ABCG2: variants seen among roughly 807,000 people sequenced by gnomAD.
The protein encoded by ABCG2 is broad substrate specificity ATP-binding cassette transporter ABCG2.
ABCG2 carries 80 observed loss-of-function variants against 73.5 expected under a neutral mutation model. The ratio of observed to expected loss-of-function variants is 1.09; its 90% CI spans 0.91 to 1.31. ABCG2 has a LOEUF of 1.31. Among genes scored for constraint, ABCG2 ranks in the 50% most tolerant of loss-of-function variants. The probability of loss-of-function intolerance (pLI) is 0.00; values close to 1 mark genes in which losing one functional copy is unlikely to be tolerated. For missense variants in ABCG2, 796 were observed against 786.2 expected (o/e 1.01, Z -0.15); for synonymous variants, 269 against 282.4 (o/e 0.95, Z 0.48).
intron 1 of ABCG2, among the ~76,000 whole-genome samples, chr4:88,211,085 C>A (rs1729570322): frequency 6.7e-6 from 1 of 149,590 alleles, no homozygotes. Context: ...GAGGCTTGGT[C>A]CCTAAAAAAA....
At chr4:88,132,492 C>T in intron 3 of ABCG2, 84 bp downstream of exon 3, 4 of 1,414,016 alleles carry the variant, frequency 2.8e-6, no homozygotes, top group Admixed American at 3.4e-5. Context: ...TCAATAAATA[C>T]CTGCTCGCAC....
At chr4:88,122,674 T>C (rs72659644) in intron 5 of ABCG2, among the ~76,000 whole-genome samples, 3 of 152,086 alleles carry the variant, frequency 2.0e-5, no homozygotes, top group Admixed American at 1.3e-4. Context: ...CAGGGGTATA[T>C]AGATAAAACT....
At position 88,091,883 on chromosome 4, in the gene ABCG2, A is replaced by T. The variant is rs548878030; in HGVS notation, c.*351T>A. 1.7e-4 allele frequency: 33 copies of T among 194,746 alleles called. No individual in the cohort carries two copies. Among genetic ancestry groups the T allele is most frequent in the African/African-American group, 7.5e-4 (32 of 42,492 alleles). 12.1% of individuals were successfully genotyped at this position (194,746 alleles called of 1,614,324 possible). A position where few individuals can be genotyped will look rare whatever the true frequency, so the allele number is the denominator to read the frequency against. ...AAGTATTAAGACTGAAGGGCTACTA[A>T]CCTACCTATTCATTTTAAAGATGAG... On this transcript the variant is annotated 3_prime_UTR_variant, in exon 16 of 16. Transcript: ENST00000237612.
chr4:88,177,199 T>C (rs1054868708), intron 1 of ABCG2, among the ~76,000 whole-genome samples: 11 of 149,860 alleles, frequency 7.3e-5, no homozygotes, highest in Non-Finnish European at 1.2e-4. Context: ...GGTGAAACCC[T>C]GTCTCTACTA....
intron 1 of ABCG2, among the ~76,000 whole-genome samples, chr4:88,218,805 A>T (rs913793212): frequency 6.6e-6 from 1 of 152,230 alleles, no homozygotes; most frequent in African/African-American, 2.4e-5. Context: ...AGAGTAGACA[A>T]TATCTCTAGT....
chr4:88,219,576 ATTTTT>A (rs5860122), intron 1 of ABCG2, among the ~76,000 whole-genome samples: 10 of 90,872 alleles, frequency 1.1e-4, no homozygotes, highest in South Asian at 4.2e-4. Flanking sequence ...TACCATTCAA[ATTTTT>A]TTTTTTTTTT....
In ABCG2 at chr4:88,112,241, C is replaced by A. The variant is rs192361511; in HGVS notation, c.1194+1062G>T. 2.5e-3 allele frequency among the ~76,000 whole-genome samples: 387 copies of A among 152,272 alleles called. 9 individuals carry two copies. Among genetic ancestry groups the A allele is most frequent in the Admixed American group, 0.023 (348 of 15,300 alleles). On this transcript the variant is annotated intron_variant, in intron 9 of 15. Transcript: ENST00000237612. ...AATGAATAGCCTTGTTCTGTGAACT[C>A]AAATTTGCTTACTACATTTGTTTCA...
At position 88,157,663 on chromosome 4, in the gene ABCG2, TTCTCATCAAGA is replaced by T. The variant is rs369553010; in HGVS notation, c.-20+712_-20+722del. Reference sequence around the variant, plus strand: ...CATGCCATCTTTGTCGTTGAAACCTTTCTCATCAAGATCTCATCAAGATCTATACAATCCAG... The same window carrying T: ...CATGCCATCTTTGTCGTTGAAACCTTTCTCATCAAGATCTATACAATCCAG... On this transcript the variant is annotated intron_variant, in intron 1 of 15. Coordinates refer to ENST00000237612, the MANE Select transcript of ABCG2 (RefSeq NM_004827.3). Among the ~76,000 whole-genome samples, 878 of 152,286 alleles carry T rather than the reference TTCTCATCAAGA, an allele frequency of 5.8e-3. 10 individuals are homozygous for T. The highest frequency in any genetic ancestry group is 0.02 in the African/African-American group (835 of 41,542).
At chr4:88,131,964 T>C (rs1206537856) in intron 3 of ABCG2, 47 bp from the exon 4 acceptor site, 4 of 1,414,036 alleles carry the variant, frequency 2.8e-6, no homozygotes, top group African/African-American at 1.4e-5. Flanking sequence ...TATAAGAGAA[T>C]ATATATGTTG....
At chr4:88,162,469 A>G (rs1006441294), upstream of ABCG2, among the ~76,000 whole-genome samples, 2 of 152,130 alleles carry the variant, frequency 1.3e-5, no homozygotes, top group African/African-American at 4.8e-5. Context: ...TTAGATTGTG[A>G]TGTTTCATAT....
chr4:88,114,825 A>G (rs371349338), intron 8 of ABCG2, 132 bp downstream of exon 8: 3 of 565,188 alleles, frequency 5.3e-6, no homozygotes, highest in South Asian at 5.2e-5. Context: ...ACAACAAAAT[A>G]TTTGTGTTGA....
intron 13 of ABCG2, among the ~76,000 whole-genome samples, chr4:88,096,735 G>A (rs1722009140): frequency 6.6e-6 from 1 of 151,006 alleles, no homozygotes; most frequent in South Asian, 2.1e-4. Flanking sequence ...TGTAAGATTA[G>A]GATTAAGTAA....
intron 1 of ABCG2, among the ~76,000 whole-genome samples, chr4:88,165,573 A>G (rs909453160): frequency 2.9e-4 from 44 of 152,142 alleles, no homozygotes; most frequent in Non-Finnish European, 3.4e-4. Context: ...TCCCTATTTT[A>G]AAGTTATTTG....
At chr4:88,134,341 G>A (rs1560699933) in intron 2 of ABCG2, among the ~76,000 whole-genome samples, 2 of 152,314 alleles carry the variant, frequency 1.3e-5, no homozygotes, top group South Asian at 2.1e-4. Flanking sequence ...AGAGTGAAAT[G>A]TAGCTTTCAC....
chr4:88,113,431 C>T lies in ABCG2; in HGVS notation c.1066G>A (p.Glu356Lys). The change falls in exon 9 of 16, where the codon GAG (glutamate) becomes AAG (lysine). Residue 356 changes from glutamate (E) to lysine (K), a missense_variant. Physicochemically the swap from Glu to Lys is moderately conservative, Grantham distance 56. Transcript: ENST00000237612. ...KAELHQLSGG[E>K]KKKKITVFKE... is the part of the protein sequence containing the mutation. Reference sequence around the variant, plus strand: ...AAGACTGTGATCTTCTTCTTCTTCTCACCCCCGGAAAGTTGATGTAATTCA... The same window carrying T: ...AAGACTGTGATCTTCTTCTTCTTCTTACCCCCGGAAAGTTGATGTAATTCA... 1 of 1,614,140 alleles carries T rather than the reference C, an allele frequency of 6.2e-7. No homozygotes were observed. The highest frequency in any genetic ancestry group is 8.5e-7 in the Non-Finnish European group (1 of 1,180,010).
intron 1 of ABCG2, among the ~76,000 whole-genome samples, chr4:88,173,973 C>T (rs1727857013): frequency 6.6e-6 from 1 of 152,220 alleles, no homozygotes; most frequent in African/African-American, 2.4e-5. Flanking sequence ...CCCACTCACA[C>T]TCTCTTATTT....
intron 5 of ABCG2, among the ~76,000 whole-genome samples, chr4:88,122,472 G>A (rs1045236090): frequency 3.3e-5 from 5 of 152,168 alleles, no homozygotes; most frequent in Admixed American, 1.3e-4. Flanking sequence ...TGGGAAGCTT[G>A]AGCTTGGTGG....
chr4:88,110,366 G>A (rs139791966), intron 9 of ABCG2, among the ~76,000 whole-genome samples: 78 of 151,898 alleles, frequency 5.1e-4, no homozygotes, highest in African/African-American at 1.8e-3. Context: ...AACATGGTGC[G>A]ACCCTGTCTA....
intron 1 of ABCG2, among the ~76,000 whole-genome samples, chr4:88,186,045 G>A (rs1270181132): frequency 1.3e-5 from 2 of 152,156 alleles, no homozygotes; most frequent in African/African-American, 2.4e-5. Context: ...GTATGACACA[G>A]AGATATCTGC....
Sources: allele counts gnomAD v4.1 joint callset (sites outside exome capture counted in the v4.1 genomes callset), GRCh38; gene constraint gnomAD v4.1.1; transcripts MANE v1.5; gene names NCBI Gene and HGNC (gene_info 2026-07-23, HGNC 2026-07-21).